The following SLC2A13 variants were observed in gnomAD, a reference collection of about 807,000 sequenced individuals.
SLC2A13 encodes the protein proton myo-inositol cotransporter.
SLC2A13 carries 32 observed loss-of-function variants against 64.4 expected under a neutral mutation model. That is an observed-to-expected ratio of 0.50 (90% CI 0.37 to 0.67). The LOEUF is 0.67. Ranked by LOEUF, SLC2A13 falls within the 30% of genes least tolerant of loss-of-function variation. The pLI, the probability that SLC2A13 is intolerant of heterozygous loss-of-function variation, is 0.00. For synonymous variants in SLC2A13, 338 were observed against 327.1 expected, an observed-to-expected ratio of 1.03 and a Z score of -0.36; for missense variants, 743 against 829.2, an observed-to-expected ratio of 0.90 and a Z score of 1.28.
chr12:40,085,636 T>C (rs1057304327), intron 1 of SLC2A13, among the ~76,000 whole-genome samples: 2 of 152,228 alleles, frequency 1.3e-5, no homozygotes, highest in South Asian at 2.1e-4. Flanking sequence ...ACAGTGTCCA[T>C]TTCACATTGC....
Position 39,777,006 on chromosome 12 carries a change from A to G in SLC2A13, c.1446-12148T>C, listed in dbSNP as rs184422106. Among the ~76,000 whole-genome samples, 317 of 152,252 alleles carry G rather than the reference A, an allele frequency of 2.1e-3. 1 individual carries two copies. Among genetic ancestry groups the G allele is most frequent in the African/African-American group, 7.5e-3 (311 of 41,550 alleles). The stretch of plus-strand genomic sequence containing the variant: ...GATGGCTTTTCCCCATATAGTTGCT[A>G]TGGGAGGTAATATATTAATACTTAT... On this transcript the variant is annotated intron_variant, in intron 7 of 9. Coordinates refer to ENST00000280871, the MANE Select transcript of SLC2A13 (RefSeq NM_052885.4).
At chr12:39,813,024 T>TTTTTTTTA (rs60326584) in intron 7 of SLC2A13, among the ~76,000 whole-genome samples, 1 of 134,900 alleles carries the variant, frequency 7.4e-6, no homozygotes, top group East Asian at 2.2e-4. Context: ...TTTTTTTTTT[T>TTTTTTTTA]AGTAGAGATG....
chr12:40,083,369 G>GT (rs1938478118), intron 1 of SLC2A13, among the ~76,000 whole-genome samples: 1 of 152,092 alleles, frequency 6.6e-6, no homozygotes, highest in African/African-American at 2.4e-5. Context: ...CCCTTACACT[G>GT]TTTTTCAGTT....
chr12:39,765,476 C>A (rs541514486), intron 7 of SLC2A13, among the ~76,000 whole-genome samples: 1 of 152,128 alleles, frequency 6.6e-6, no homozygotes, highest in African/African-American at 2.4e-5. Flanking sequence ...ACTTCCAGTT[C>A]TTTACCTTAA....
chr12:39,817,030 C>T lies in SLC2A13; in HGVS notation c.1445+13073G>A, dbSNP rs572369009. ...TCAGGATACCAAGAACCACAAATGC[C>T]TTGAGGGAAAAAAAAAATAGGTAGG... On this transcript the variant is annotated intron_variant, in intron 7 of 9. Transcript: ENST00000280871. 7.9e-5 allele frequency among the ~76,000 whole-genome samples: 12 copies of T among 151,790 alleles called. No individual in the cohort carries two copies. In the South Asian group the frequency reaches 2.5e-3, roughly 32 times the overall value.
intron 1 of SLC2A13, among the ~76,000 whole-genome samples, chr12:40,078,219 T>C (rs2136279615): frequency 6.6e-6 from 1 of 152,324 alleles, no homozygotes; most frequent in East Asian, 1.9e-4. Flanking sequence ...GGCATCCTTG[T>C]CTTGTTCTGG....
At chr12:39,919,128 G>C (rs532989560) in intron 4 of SLC2A13, among the ~76,000 whole-genome samples, 1 of 151,866 alleles carries the variant, frequency 6.6e-6, no homozygotes, top group Non-Finnish European at 1.5e-5. Flanking sequence ...CTACACGCTT[G>C]TGTGCCACCA....
intron 3 of SLC2A13, among the ~76,000 whole-genome samples, chr12:40,010,466 C>G (rs1250706022): frequency 6.6e-6 from 1 of 152,020 alleles, no homozygotes; most frequent in Non-Finnish European, 1.5e-5. Context: ...GAGCCTGGAT[C>G]AGCTGACTAA....
At chr12:39,994,121 G>A (rs2404346) in intron 3 of SLC2A13, among the ~76,000 whole-genome samples, 19,538 of 152,016 alleles carry the variant, frequency 0.13, 1,480 homozygotes, top group Middle Eastern at 0.15. Flanking sequence ...CGGGCGCGGT[G>A]GCTCACGCCT....
Position 39,759,920 on chromosome 12 carries a change from C to G in SLC2A13, c.*106G>C, listed in dbSNP as rs1940072011. On this transcript the variant is annotated 3_prime_UTR_variant, in exon 10 of 10. Transcript: ENST00000280871. ...TTCTAGAATATGAAGTCAATCAAAA[C>G]TAGGCTGTGGAAAGAACCAGATTAG... 1.3e-6 allele frequency: 1 copy of G among 779,932 alleles called. No homozygotes were observed. Among genetic ancestry groups the G allele is most frequent in the Admixed American group, 2.4e-5 (1 of 41,246 alleles). The allele number at this position is 779,932 out of a possible 1,614,324, so 48.3% of individuals were successfully genotyped here.
At chr12:39,775,532 T>G (rs1300535336) in intron 7 of SLC2A13, among the ~76,000 whole-genome samples, 2 of 152,202 alleles carry the variant, frequency 1.3e-5, no homozygotes, top group African/African-American at 2.4e-5. Context: ...TCTAAGAAAA[T>G]GTTTAGACTC....
intron 7 of SLC2A13, among the ~76,000 whole-genome samples, chr12:39,773,287 T>A (rs1046280101): frequency 3.9e-5 from 6 of 152,158 alleles, no homozygotes; most frequent in Admixed American, 3.3e-4. Flanking sequence ...AGGTGAAATA[T>A]GTCTCATTTT....
At chr12:39,957,436 CAT>C (rs1461360455) in intron 3 of SLC2A13, among the ~76,000 whole-genome samples, 1 of 152,176 alleles carries the variant, frequency 6.6e-6, no homozygotes, top group Non-Finnish European at 1.5e-5. Flanking sequence ...TAGTAACAAA[CAT>C]ACTCTGTGCT....
Position 39,871,862 on chromosome 12 carries a change from T to G in SLC2A13, c.1134A>C (p.Thr378=). 1 of 1,612,652 alleles carries G rather than the reference T, an allele frequency of 6.2e-7. No individual in the cohort carries two copies. The highest frequency in any genetic ancestry group is 8.5e-7 in the Non-Finnish European group (1 of 1,179,414). ...TCTCAACAAGCCAGACTCCCACAAG[T>G]GTGAAAATGAAATTTGTGAAGGCTG... ...SVTAFTNFIF[T]LVGVWLVEKV... is the part of the protein sequence containing the mutation. The change falls in exon 5 of 10, where the codon ACA becomes ACC. Residue 378 remains threonine, a synonymous_variant. Transcript: ENST00000280871.
At chr12:39,803,218 A>AAC (rs1941857976) in intron 7 of SLC2A13, among the ~76,000 whole-genome samples, 1 of 151,908 alleles carries the variant, frequency 6.6e-6, no homozygotes, top group African/African-American at 2.4e-5. Flanking sequence ...AAAAAAAAAA[A>AAC]AAAACTTTCT....
intron 1 of SLC2A13, among the ~76,000 whole-genome samples, chr12:40,098,684 G>A (rs1185534470): frequency 6.6e-6 from 1 of 152,174 alleles, no homozygotes; most frequent in South Asian, 2.1e-4. Flanking sequence ...CAGTAGCTTT[G>A]TGATCATGAG....
intron 4 of SLC2A13, among the ~76,000 whole-genome samples, chr12:39,892,073 G>A (rs569834629): frequency 4.6e-5 from 7 of 152,136 alleles, no homozygotes; most frequent in Non-Finnish European, 1.0e-4. Context: ...GGCCTTAAAA[G>A]TTTGCAAATT....
At chr12:40,084,482 C>T (rs550275823) in intron 1 of SLC2A13, among the ~76,000 whole-genome samples, 25 of 152,070 alleles carry the variant, frequency 1.6e-4, no homozygotes, top group African/African-American at 5.1e-4. Flanking sequence ...AGCTTACTCA[C>T]GGGGCTGGCT....
chr12:39,917,862 C>A (rs1035056196), intron 4 of SLC2A13, among the ~76,000 whole-genome samples: 2 of 151,986 alleles, frequency 1.3e-5, no homozygotes, highest in African/African-American at 4.8e-5. Context: ...CTCCTTTTCT[C>A]TTCTTATTCT....
Sources: allele counts gnomAD v4.1 joint callset (sites outside exome capture counted in the v4.1 genomes callset), GRCh38; gene constraint gnomAD v4.1.1; transcripts MANE v1.5; gene names NCBI Gene and HGNC (gene_info 2026-07-23, HGNC 2026-07-21).